The following CNTNAP2 variants were observed in gnomAD, a reference collection of about 807,000 sequenced individuals.
CNTNAP2 encodes the protein contactin-associated protein-like 2.
Under a neutral mutation model 155.2 loss-of-function variants are expected in CNTNAP2, and 98 were observed. That is an observed-to-expected ratio of 0.63 (90% CI 0.54 to 0.75). The LOEUF (loss-of-function observed/expected upper bound fraction) is 0.75. CNTNAP2 is among the 30% of genes least tolerant of loss of function. The pLI is 0.00. For synonymous variants in CNTNAP2, 651 were observed against 631.2 expected (o/e 1.03, Z -0.47); for missense variants, 1,727 against 1,688.1 (o/e 1.02, Z -0.40).
intron 1 of CNTNAP2, among the ~76,000 whole-genome samples, chr7:146,309,375 C>T (rs1191852169): frequency 6.6e-6 from 1 of 152,112 alleles, no homozygotes; most frequent in African/African-American, 2.4e-5. Flanking sequence ...CTCCAAGCAG[C>T]ACAGAGGTGC....
Position 146,667,184 on chromosome 7 carries a change from G to A in CNTNAP2, c.98-107087G>A, listed in dbSNP as rs1023415639. On this transcript the variant is annotated intron_variant, in intron 1 of 23. Transcript: ENST00000361727. ...GTATGTGGTGAGAGGTGGGGGATTA[G>A]TTACTTTCTGCAGGAGATACTCAGT... Among the ~76,000 whole-genome samples the A allele has an allele frequency of 1.5e-4, 23 of 152,116 alleles. No homozygotes were observed. The East Asian group carries it at 3.7e-3, about 24-fold the overall frequency.
At chr7:147,979,927 G>A (rs1563155955) in intron 15 of CNTNAP2, among the ~76,000 whole-genome samples, 2 of 152,030 alleles carry the variant, frequency 1.3e-5, no homozygotes, top group Admixed American at 6.6e-5. Flanking sequence ...CCAGCCTTCT[G>A]CAAACTTTTA....
rs143281454 is a variant in CNTNAP2 at position 148,326,455 on chromosome 7, A to G, written c.3476-57194A>G. 1.2e-3 allele frequency among the ~76,000 whole-genome samples: 177 copies of G among 152,198 alleles called. 2 individuals carry two copies. The East Asian group carries it at 0.022, about 19-fold the overall frequency. ...TCTCTTCGTTACCATCTGCCCTTCC[A>G]TCTTGCCATCTCACTCCTCACTCCC... On this transcript the variant is annotated intron_variant, in intron 21 of 23. Coordinates refer to ENST00000361727, the MANE Select transcript of CNTNAP2 (RefSeq NM_014141.6).
chr7:147,328,897 A>G (rs1249729081), intron 9 of CNTNAP2, among the ~76,000 whole-genome samples: 4 of 152,194 alleles, frequency 2.6e-5, no homozygotes, highest in Admixed American at 6.5e-5. Context: ...CAAAATCTGT[A>G]GTTGAACCTT....
At chr7:147,929,092 CAAAAAAAAAAAAAAA>C (rs66584239) in intron 14 of CNTNAP2, among the ~76,000 whole-genome samples, 2 of 34,632 alleles carry the variant, frequency 5.8e-5, no homozygotes, top group African/African-American at 7.8e-5. Flanking sequence ...AACTCCATCC[CAAAAAAAAAAAAAAA>C]AAAAAAAAAA....
intron 1 of CNTNAP2, among the ~76,000 whole-genome samples, chr7:146,319,862 T>C (rs1462480321): frequency 6.6e-6 from 1 of 152,144 alleles, no homozygotes; most frequent in African/African-American, 2.4e-5. Flanking sequence ...CTGACTAATA[T>C]GTCCCTTGAG....
At chr7:148,183,238 G>A (rs981791619) in intron 18 of CNTNAP2, among the ~76,000 whole-genome samples, 9 of 152,308 alleles carry the variant, frequency 5.9e-5, no homozygotes, top group African/African-American at 9.6e-5. Flanking sequence ...GGATACCCAC[G>A]CTGAAGGTTC....
At chr7:148,037,540 C>T (rs1329493372) in intron 15 of CNTNAP2, among the ~76,000 whole-genome samples, 4 of 152,136 alleles carry the variant, frequency 2.6e-5, no homozygotes, top group Admixed American at 6.5e-5. Context: ...TGTTCCAACT[C>T]GTATAAAATC....
At chr7:148,225,466 G>A (rs1427499019) in intron 19 of CNTNAP2, among the ~76,000 whole-genome samples, 1 of 152,162 alleles carries the variant, frequency 6.6e-6, no homozygotes, top group Non-Finnish European at 1.5e-5. Flanking sequence ...TGTGGATGGT[G>A]AGGAGTGAGC....
chr7:147,478,140 TTTTC>T (rs1199453762), intron 10 of CNTNAP2, among the ~76,000 whole-genome samples: 13 of 152,086 alleles, frequency 8.5e-5, no homozygotes, highest in African/African-American at 2.9e-4. Context: ...GTTTTTTTCT[TTTTC>T]TTTCTTTCTT....
At chr7:147,987,147 C>T (rs371334568) in intron 15 of CNTNAP2, among the ~76,000 whole-genome samples, 1 of 152,064 alleles carries the variant, frequency 6.6e-6, no homozygotes, top group Non-Finnish European at 1.5e-5. Flanking sequence ...TTGAGCCCAC[C>T]GGGCATTTCT....
chr7:148,330,646 G>T (rs1280085061), intron 21 of CNTNAP2, among the ~76,000 whole-genome samples: 3 of 149,072 alleles, frequency 2.0e-5, no homozygotes, highest in African/African-American at 7.7e-5. Context: ...CGGAGTGGAC[G>T]GATGGAATGG....
chr7:146,672,378 C>T (rs1383154159), intron 1 of CNTNAP2, among the ~76,000 whole-genome samples: 1 of 152,120 alleles, frequency 6.6e-6, no homozygotes, highest in African/African-American at 2.4e-5. Flanking sequence ...TATCTGTGAA[C>T]AAAGACACAG....
rs967317792 is a variant in CNTNAP2, at chr7:146,583,288, G to A, written c.98-190983G>A. Among the ~76,000 whole-genome samples the A allele has an allele frequency of 2.6e-5, 4 of 151,966 alleles. No homozygotes were observed. In the East Asian group the frequency reaches 7.7e-4, roughly 29 times the overall value. ...GTCCTGGAAGTGAAGGAAAGAGAAC[G>A]TCTCATGAAAGAAAGGGAAGCGAGG... is the stretch of plus-strand genomic sequence containing the variant. On this transcript the variant is annotated intron_variant, in intron 1 of 23. Coordinates refer to ENST00000361727, the MANE Select transcript of CNTNAP2 (RefSeq NM_014141.6).
chr7:148,401,703 A>G (rs549796288), intron 22 of CNTNAP2, among the ~76,000 whole-genome samples: 3 of 151,484 alleles, frequency 2.0e-5, no homozygotes, highest in East Asian at 1.9e-4. Flanking sequence ...GGTTCATGCT[A>G]TTCTCCTGCC....
At chr7:146,171,666 T>C (rs913475043) in intron 1 of CNTNAP2, among the ~76,000 whole-genome samples, 2 of 151,584 alleles carry the variant, frequency 1.3e-5, no homozygotes, top group Non-Finnish European at 2.9e-5. Flanking sequence ...GGAATTTTCT[T>C]TGGCCAAAAT....
chr7:147,733,565 G>A (rs1393723260), intron 13 of CNTNAP2, among the ~76,000 whole-genome samples: 1 of 152,170 alleles, frequency 6.6e-6, no homozygotes, highest in African/African-American at 2.4e-5. Context: ...GAAAGTCATT[G>A]GTTGCTTGAT....
At chr7:148,311,432 G>A (rs1274192223) in intron 21 of CNTNAP2, among the ~76,000 whole-genome samples, 1 of 150,010 alleles carries the variant, frequency 6.7e-6, no homozygotes, top group Non-Finnish European at 1.5e-5. Context: ...GGGAGAGGTA[G>A]AGGGTGGCAG....
intron 14 of CNTNAP2, among the ~76,000 whole-genome samples, chr7:147,918,296 G>A (rs1048305524): frequency 1.3e-5 from 2 of 152,186 alleles, no homozygotes; most frequent in African/African-American, 4.8e-5. Context: ...GCACTTTAGA[G>A]AATCCGGTTT....
Sources: gnomAD v4.1 joint callset for allele counts (sites outside exome capture counted in the v4.1 genomes callset) on GRCh38, gnomAD v4.1.1 for gene constraint, MANE v1.5 for transcripts, NCBI Gene and HGNC (gene_info 2026-07-23, HGNC 2026-07-21) for gene names.